GRIP2: variants seen among roughly 807,000 people sequenced by gnomAD.
GRIP2 encodes the protein glutamate receptor interacting protein 2, also known as glutamate receptor-interacting protein 2.
GRIP2 carries 58 observed loss-of-function variants against 108.3 expected under a neutral mutation model. The observed-to-expected ratio is 0.54, with a 90% CI of 0.43 to 0.67. The LOEUF is 0.67. GRIP2 is among the 30% of genes least tolerant of loss of function. GRIP2 has a pLI of 0.00. For missense variants in GRIP2, 1,278 were observed against 1,430.6 expected, an observed-to-expected ratio of 0.89 and a Z score of 1.72; for synonymous variants, 586 against 598.2, an observed-to-expected ratio of 0.98 and a Z score of 0.30.
At chr3:14,596,345 T>C in the GRIP2 span, among the ~76,000 whole-genome samples, 9 of 152,352 alleles carry the variant, frequency 5.9e-5, no homozygotes, top group African/African-American at 2.2e-4. Context: ...TTAGGGCTTT[T>C]TGTTTAGATT....
At position 14,512,179 on chromosome 3, in the gene GRIP2, G is replaced by A. The variant is rs1312427741; in HGVS notation, c.1720+598C>T. ...CAGGAAGGGGCAGGCATGGCAGGGAGCAGCCAGGCTGACTGCGGCTGGAGG... is the reference window on the plus strand; with the variant it reads ...CAGGAAGGGGCAGGCATGGCAGGGAACAGCCAGGCTGACTGCGGCTGGAGG... On this transcript the variant is annotated intron_variant, in intron 14 of 23. Coordinates refer to ENST00000621039, the MANE Select transcript of GRIP2 (RefSeq NM_001080423.4). The surrounding 1 kb of genome is among the most constrained non-coding windows in gnomAD (Gnocchi z 5.1). 6.6e-6 allele frequency among the ~76,000 whole-genome samples: 1 copy of A among 152,178 alleles called. No homozygotes were observed. Among genetic ancestry groups the A allele is most frequent in the Admixed American group, 6.5e-5 (1 of 15,290 alleles).
chr3:14,517,815 C>G lies in GRIP2; in HGVS notation c.1113G>C (p.Arg371Ser), dbSNP rs1379997098. The part of the protein sequence containing the change: ...SCHSPRPGHC[R>S]MPTWATPAGQ... ...CAGCAGGTGTGGCCCAGGTGGGCAT[C>G]CTGCAGTGGCCGGGCCGGGGGCTGT... Residue 371 changes from arginine (R) to serine (S), a missense_variant, in exon 10 of 24, where the codon AGG becomes AGC. By Grantham distance (110) the Arg-to-Ser change is moderately radical. Transcript: ENST00000621039. The G allele has an allele frequency of 1.9e-6, 3 of 1,607,046 alleles. No individual in the cohort carries two copies. The highest frequency in any genetic ancestry group is 1.7e-5 in the Admixed American group (1 of 58,992).
chr3:14,536,239 A>T (rs935551647), intron 1 of GRIP2, among the ~76,000 whole-genome samples: 1 of 152,196 alleles, frequency 6.6e-6, no homozygotes, highest in Non-Finnish European at 1.5e-5. Flanking sequence ...ATGAATGCTA[A>T]GTCAGTTAAT....
In GRIP2 at chr3:14,514,414, G is replaced by A. The variant is rs1196799095; in HGVS notation, c.1371C>T (p.Val457=). The A allele has an allele frequency of 7.0e-6, 11 of 1,575,188 alleles. No homozygotes were observed. In the Admixed American group the frequency reaches 9.2e-5, roughly 13 times the overall value. The change falls in exon 12 of 24, where the codon GTC becomes GTT. Residue 457 remains valine, a synonymous_variant. Coordinates refer to ENST00000621039, the MANE Select transcript of GRIP2 (RefSeq NM_001080423.4). ...GQIVHTETTE[V]VLCGDPLSGF... is the part of the protein sequence containing the mutation. ...CGCTGAGGGGGTCTCCACAGAGCAC[G>A]ACCTCCGTGGTCTCCGTGTGCACAA... is the stretch of plus-strand genomic sequence containing the variant.
At chr3:14,552,092 G>A (rs1314018030) in intron 1 of GRIP2, among the ~76,000 whole-genome samples, 7 of 152,248 alleles carry the variant, frequency 4.6e-5, no homozygotes, top group South Asian at 2.1e-4. Flanking sequence ...TCTGGTCTCC[G>A]AGCCACCATA....
At chr3:14,504,452 C>T (rs114762857) in intron 20 of GRIP2, among the ~76,000 whole-genome samples, 2 of 152,090 alleles carry the variant, frequency 1.3e-5, no homozygotes, top group African/African-American at 4.8e-5. Flanking sequence ...GCTAGGACCA[C>T]AGGCATGCGC....
intron 1 of GRIP2, among the ~76,000 whole-genome samples, chr3:14,548,372 A>G (rs1016653828): frequency 1.3e-5 from 2 of 152,104 alleles, no homozygotes; most frequent in South Asian, 4.1e-4. Context: ...CGGTGAAGAC[A>G]CAGAGAGCTT....
the GRIP2 span, among the ~76,000 whole-genome samples, chr3:14,589,434 G>A: frequency 1.3e-5 from 2 of 152,158 alleles, no homozygotes; most frequent in Non-Finnish European, 2.9e-5. Context: ...CTAGCAGATG[G>A]AAGACAGGGG....
Position 14,507,788 on chromosome 3 carries a change from A to T in GRIP2, c.2079-88T>A. 1 of 1,490,154 alleles carries T rather than the reference A, an allele frequency of 6.7e-7. No homozygotes were observed. Among genetic ancestry groups the T allele is most frequent in the South Asian group, 1.2e-5 (1 of 83,598 alleles). The allele number at this position is 1,490,154 out of a possible 1,614,324, so 92.3% of individuals were successfully genotyped here. On this transcript the variant is annotated intron_variant, in intron 17 of 23. Coordinates refer to ENST00000621039, the MANE Select transcript of GRIP2 (RefSeq NM_001080423.4). The surrounding 1 kb of genome is among the most constrained non-coding windows in gnomAD (Gnocchi z 4.6). ...TGCCCTCAGGGAATCCAGGAGAGCC[A>T]CAAAGCAGAAGTCTGGCTGACCCCA...
upstream of GRIP2, among the ~76,000 whole-genome samples, chr3:14,545,465 T>G (rs1695043097): frequency 6.6e-6 from 1 of 152,148 alleles, no homozygotes; most frequent in South Asian, 2.1e-4. Flanking sequence ...AAACACATGT[T>G]GAGAGGGGCT....
chr3:14,564,728 T>C, the GRIP2 span, among the ~76,000 whole-genome samples: 3 of 152,358 alleles, frequency 2.0e-5, no homozygotes, highest in Non-Finnish European at 4.4e-5. Context: ...ATGATCACTC[T>C]GTGACAAAGG....
intron 16 of GRIP2, 118 bp from the exon 17 acceptor site, chr3:14,510,082 G>T: frequency 1.0e-6 from 1 of 971,448 alleles, no homozygotes; most frequent in Non-Finnish European, 1.4e-6. Context: ...AGTCACTCAC[G>T]CTCTGATTTC....
At chr3:14,558,476 T>A (rs1695269534), upstream of GRIP2, among the ~76,000 whole-genome samples, 1 of 152,138 alleles carries the variant, frequency 6.6e-6, no homozygotes, top group South Asian at 2.1e-4. Flanking sequence ...GGAAGAGAAA[T>A]GGCCCAGGTG....
At chr3:14,501,615 A>T (rs1315639889) in intron 21 of GRIP2, among the ~76,000 whole-genome samples, 1 of 152,260 alleles carries the variant, frequency 6.6e-6, no homozygotes, top group Non-Finnish European at 1.5e-5. Flanking sequence ...CAGTACATAC[A>T]TCATGATTTC....
chr3:14,523,762 C>A, intron 4 of GRIP2, 64 bp from the exon 5 acceptor site: 1 of 1,085,054 alleles, frequency 9.2e-7, no homozygotes, highest in Non-Finnish European at 1.4e-6. Flanking sequence ...TAGATGTGCC[C>A]AAAGCTCATT....
chr3:14,571,726 C>T, the GRIP2 span, among the ~76,000 whole-genome samples: 1 of 152,208 alleles, frequency 6.6e-6, no homozygotes, highest in East Asian at 1.9e-4. Flanking sequence ...CTGCACACAT[C>T]TGTGCCCCAA....
At chr3:14,577,807 G>T in the GRIP2 span, among the ~76,000 whole-genome samples, 3 of 152,160 alleles carry the variant, frequency 2.0e-5, no homozygotes, top group Admixed American at 2.0e-4. Context: ...TATCTAGCAG[G>T]GCACTGGCAC....
chr3:14,579,152 G>A, the GRIP2 span, among the ~76,000 whole-genome samples: 1 of 152,124 alleles, frequency 6.6e-6, no homozygotes, highest in South Asian at 2.1e-4. Context: ...CAACTACATG[G>A]GTGGGTCTCA....
At chr3:14,599,430 G>A in the GRIP2 span, among the ~76,000 whole-genome samples, 1 of 152,106 alleles carries the variant, frequency 6.6e-6, no homozygotes, top group African/African-American at 2.4e-5. Flanking sequence ...CAGTCTCCCT[G>A]ATAGGAATTT....
Sources: allele counts gnomAD v4.1 joint callset (sites outside exome capture counted in the v4.1 genomes callset), GRCh38; gene constraint gnomAD v4.1.1; non-coding constraint Gnocchi (gnomAD v3.1); transcripts MANE v1.5; gene names NCBI Gene and HGNC (gene_info 2026-07-23, HGNC 2026-07-21).